LIMS1: variants seen among roughly 807,000 people sequenced by gnomAD.
LIMS1 encodes the protein LIM zinc finger domain containing 1, also known as LIM and senescent cell antigen-like-containing domain protein 1.
Under a neutral mutation model 44.1 loss-of-function variants are expected in LIMS1, and 18 were observed. That is an observed-to-expected ratio of 0.41 (90% CI 0.28 to 0.61). LIMS1 has a LOEUF of 0.61. Ranked by LOEUF, LIMS1 falls within the 20% of genes least tolerant of loss-of-function variation. The pLI, the probability that LIMS1 is intolerant of heterozygous loss-of-function variation, is 0.32. For synonymous variants in LIMS1, 93 were observed against 149.1 expected (o/e 0.62, Z 2.74); for missense variants, 201 against 422.0 (o/e 0.48, Z 4.59).
At chr2:108,608,392 G>A (rs142879007) in intron 1 of LIMS1, among the ~76,000 whole-genome samples, 2,508 of 149,328 alleles carry the variant, frequency 0.017, 41 homozygotes, top group African/African-American at 0.035. Flanking sequence ...TGAAACCTCC[G>A]CCTCCCGGGT....
At chr2:108,611,028 G>A (rs1347674163) in intron 1 of LIMS1, among the ~76,000 whole-genome samples, 2 of 152,080 alleles carry the variant, frequency 1.3e-5, no homozygotes, top group Non-Finnish European at 2.9e-5. Context: ...GTGTTTAGCC[G>A]TGGTTGAATT....
Position 108,550,810 on chromosome 2 carries a change from C to T in LIMS1, c.32+16216C>T, listed in dbSNP as rs561804941. On this transcript the variant is annotated intron_variant, in intron 1 of 9. Transcript: ENST00000544547. ...CAGCCTGGGCGGCAGAGAGAGACTC[C>T]GTCTCAAAAAAAAAAAAACCCAGCT... 4.5e-5 allele frequency among the ~76,000 whole-genome samples: 6 copies of T among 132,972 alleles called. No homozygotes were observed. In the East Asian group the frequency reaches 8.7e-4, roughly 19 times the overall value. The allele number at this position is 132,972 out of a possible 152,430, so 87.2% of individuals were successfully genotyped here. A position where few individuals can be genotyped will look rare whatever the true frequency, so the allele number is the denominator to read the frequency against.
At chr2:108,571,413 A>G (rs952856487) in intron 1 of LIMS1, among the ~76,000 whole-genome samples, 1 of 152,222 alleles carries the variant, frequency 6.6e-6, no homozygotes, top group African/African-American at 2.4e-5. Context: ...TAGTGTGAAC[A>G]GTGATCGTGG....
At chr2:108,630,192 CAAAAAAAAAA>C (rs59941456) in intron 1 of LIMS1, among the ~76,000 whole-genome samples, 4 of 103,952 alleles carry the variant, frequency 3.8e-5, no homozygotes, top group Non-Finnish European at 7.4e-5. Context: ...GACCCTGTCT[CAAAAAAAAAA>C]AAAAAAAAAA....
intron 9 of LIMS1, chr2:108,681,658 C>T (rs184493538): frequency 3.2e-5 from 28 of 888,360 alleles, no homozygotes; most frequent in Middle Eastern, 5.7e-4. Context: ...TGGTGGCTCA[C>T]GCCTGTAATC....
At chr2:108,600,758 GT>G (rs772984598) in intron 1 of LIMS1, among the ~76,000 whole-genome samples, 9 of 152,164 alleles carry the variant, frequency 5.9e-5, no homozygotes, top group Admixed American at 1.3e-4. Context: ...ATACCATGCT[GT>G]TTTGGTTACT....
At chr2:108,549,276 T>TTTC in intron 1 of LIMS1, among the ~76,000 whole-genome samples, 2 of 102,578 alleles carry the variant, frequency 1.9e-5, no homozygotes, top group Non-Finnish European at 4.0e-5. Flanking sequence ...AAGTAAAGTG[T>TTTC]TTCTTTTTTT....
At chr2:108,599,615 G>A (rs146299199) in intron 1 of LIMS1, among the ~76,000 whole-genome samples, 2,724 of 152,236 alleles carry the variant, frequency 0.018, 45 homozygotes, top group African/African-American at 0.039. Flanking sequence ...GTTCTTCACA[G>A]TGATTGTACT....
At chr2:108,611,433 A>G (rs1417644629) in intron 1 of LIMS1, among the ~76,000 whole-genome samples, 1 of 152,086 alleles carries the variant, frequency 6.6e-6, no homozygotes, top group Non-Finnish European at 1.5e-5. Flanking sequence ...TTAAAAAATA[A>G]CCTATCAATG....
chr2:108,552,237 A>G (rs1382835078), intron 1 of LIMS1, among the ~76,000 whole-genome samples: 2 of 141,880 alleles, frequency 1.4e-5, no homozygotes, highest in Admixed American at 1.4e-4. Context: ...TTAGTTATAT[A>G]TACTATATAT....
intron 9 of LIMS1, among the ~76,000 whole-genome samples, chr2:108,682,334 C>T (rs1243288651): frequency 6.6e-6 from 1 of 151,852 alleles, no homozygotes; most frequent in Non-Finnish European, 1.5e-5. Context: ...CCCGTCTCTA[C>T]TAAAAATACA....
upstream of LIMS1, chr2:108,534,297 A>G (rs372815162): frequency 0.012 from 1,376 of 117,816 alleles, 12 homozygotes; most frequent in Non-Finnish European, 0.014. Context: ...CCCCGCGCCT[A>G]CCTCTCCAGT....
chr2:108,655,047 C>T, intron 1 of LIMS1: 1 of 1,611,888 alleles, frequency 6.2e-7, no homozygotes. Flanking sequence ...ATTCTCGTCC[C>T]TGTGCTCAGA....
chr2:108,574,412 C>CT (rs557828511), intron 1 of LIMS1, among the ~76,000 whole-genome samples: 81 of 152,158 alleles, frequency 5.3e-4, no homozygotes, highest in Non-Finnish European at 1.1e-3. Flanking sequence ...TTTGCTGGGG[C>CT]TTTTTTCTCA....
chr2:108,545,825 G>C (rs1407536632), intron 1 of LIMS1, among the ~76,000 whole-genome samples: 1 of 152,130 alleles, frequency 6.6e-6, no homozygotes, highest in South Asian at 2.1e-4. Flanking sequence ...ACAAAAACAG[G>C]GACAGGCTGG....
At chr2:108,616,932 T>G (rs1488323076) in intron 1 of LIMS1, among the ~76,000 whole-genome samples, 1 of 152,240 alleles carries the variant, frequency 6.6e-6, no homozygotes, top group African/African-American at 2.4e-5. Flanking sequence ...AGATAAAATT[T>G]GATTTTCCCT....
intron 1 of LIMS1, among the ~76,000 whole-genome samples, chr2:108,575,403 T>C (rs1347190339): frequency 6.6e-6 from 1 of 152,240 alleles, no homozygotes; most frequent in Non-Finnish European, 1.5e-5. Context: ...TAGTAGAGAT[T>C]TGCTGCCCTT....
chr2:108,577,495 G>A lies in LIMS1; in HGVS notation c.32+42901G>A, dbSNP rs563230007. 3.3e-5 allele frequency among the ~76,000 whole-genome samples: 5 copies of A among 152,270 alleles called. No homozygotes were observed. The South Asian group carries it at 1.0e-3, about 32-fold the overall frequency. ...AGCAGTTAGTGATATGGTAGTCATT[G>A]GGTAAATATTCACTGAAATGAAAAT... On this transcript the variant is annotated intron_variant, in intron 1 of 9. Coordinates refer to ENST00000544547, the Ensembl canonical transcript of LIMS1.
intron 2 of LIMS1, chr2:108,660,800 A>C (rs2433810): frequency 3.9e-5 from 7 of 177,840 alleles, no homozygotes; most frequent in South Asian, 2.3e-4. Context: ...CTATAAATGA[A>C]GGTGAGAGTG....
Sources: allele counts gnomAD v4.1 joint callset (sites outside exome capture counted in the v4.1 genomes callset), GRCh38; gene constraint gnomAD v4.1.1; transcripts MANE v1.5; gene names NCBI Gene and HGNC (gene_info 2026-07-23, HGNC 2026-07-21).